The following TG variants were observed in gnomAD, a reference collection of about 807,000 sequenced individuals.
TG encodes thyroid hormones.
TG carries 270 observed loss-of-function variants against 324.7 expected under a neutral mutation model. That is an observed-to-expected ratio of 0.83 (90% CI 0.75 to 0.92). TG has a LOEUF of 0.92. TG is among the 40% of genes least tolerant of loss of function. TG has a pLI of 0.00. For missense variants in TG, 3,591 were observed against 3,456.4 expected (o/e 1.04, Z -0.98); for synonymous variants, 1,401 against 1,327.0 (o/e 1.06, Z -1.21).
intron 40 of TG, among the ~76,000 whole-genome samples, chr8:133,023,750 CA>C (rs1431557749): frequency 5.9e-5 from 9 of 152,328 alleles, no homozygotes; most frequent in Non-Finnish European, 1.2e-4. Flanking sequence ...CATTTCTAGA[CA>C]GAAGAGAGTT....
At chr8:133,110,243 G>A (rs533154683) in intron 43 of TG, among the ~76,000 whole-genome samples, 13 of 152,206 alleles carry the variant, frequency 8.5e-5, no homozygotes, top group Middle Eastern at 3.4e-3. Context: ...CTGAGGTGGG[G>A]GCATCATGGA....
At chr8:133,050,316 G>C in intron 41 of TG, 1 of 362,396 alleles carries the variant, frequency 2.8e-6, no homozygotes, top group Non-Finnish European at 5.2e-6. Context: ...ATGCTCTGCA[G>C]TATAGCCAAA....
chr8:132,988,618 A>G (rs550722651), intron 35 of TG: 381 of 748,766 alleles, frequency 5.1e-4, no homozygotes, highest in Non-Finnish European at 6.0e-4. Context: ...GTATAGTTGT[A>G]CTCTCTTTGG....
intron 45 of TG, 152 bp downstream of exon 45, chr8:133,116,868 CTTGCAGGCGGGGAAAGTTAAAA>C (rs1564208115): frequency 1.4e-6 from 1 of 706,676 alleles, no homozygotes; most frequent in Admixed American, 2.3e-5. Flanking sequence ...ATCTCACTGT[CTTGCAGGCGGGGAAAGTTAAAA>C]AAAAAAATGG....
intron 41 of TG, among the ~76,000 whole-genome samples, chr8:133,057,899 G>C (rs1446895309): frequency 1.3e-5 from 2 of 152,182 alleles, no homozygotes; most frequent in Admixed American, 1.3e-4. Flanking sequence ...TGTCCAGGCT[G>C]GCCTCTGGGT....
intron 41 of TG, among the ~76,000 whole-genome samples, chr8:133,057,595 C>G (rs1841680643): frequency 6.6e-6 from 1 of 152,122 alleles, no homozygotes; most frequent in African/African-American, 2.4e-5. Context: ...CCGAGTGACT[C>G]ACCTAAAGTC....
At chr8:132,933,511 C>T (rs1343188741) in intron 23 of TG, 50 bp from the exon 24 acceptor site, 1 of 1,531,714 alleles carries the variant, frequency 6.5e-7, no homozygotes, top group South Asian at 1.1e-5. Context: ...GCTCTGCCCT[C>T]AGCATCCCCC....
intron 8 of TG, among the ~76,000 whole-genome samples, chr8:132,884,247 C>A (rs1048763211): frequency 5.3e-5 from 8 of 152,156 alleles, no homozygotes; most frequent in African/African-American, 1.9e-4. Flanking sequence ...ACTATTCAAC[C>A]CAGTATGGGG....
intron 5 of TG, among the ~76,000 whole-genome samples, chr8:132,876,044 T>A (rs1813743048): frequency 6.6e-6 from 1 of 152,126 alleles, no homozygotes; most frequent in South Asian, 2.1e-4. Flanking sequence ...GTTTCAATAT[T>A]GCAGCAAGCA....
chr8:133,040,166 G>A (rs200640742), intron 41 of TG: 214 of 1,564,300 alleles, frequency 1.4e-4, no homozygotes, highest in Non-Finnish European at 1.8e-4. Context: ...CAGGGACCCT[G>A]GGGACGCCTC....
chr8:133,031,909 C>T (rs1257157930), intron 41 of TG, among the ~76,000 whole-genome samples: 1 of 152,130 alleles, frequency 6.6e-6, no homozygotes, highest in African/African-American at 2.4e-5. Flanking sequence ...TAGAACTGAG[C>T]CCTCTTTATA....
chr8:133,044,225 G>A (rs1046055565), intron 41 of TG, among the ~76,000 whole-genome samples: 7 of 152,114 alleles, frequency 4.6e-5, no homozygotes, highest in Non-Finnish European at 1.5e-5. Flanking sequence ...GTAGGGTAAA[G>A]TTCCGATTCC....
chr8:133,122,503 C>G (rs1851218827), intron 45 of TG, among the ~76,000 whole-genome samples: 1 of 152,180 alleles, frequency 6.6e-6, no homozygotes, highest in Admixed American at 6.5e-5. Context: ...AGCTTTCTTT[C>G]AATTGCTCCA....
intron 33 of TG, 132 bp from the exon 34 acceptor site, chr8:132,972,466 A>G: frequency 1.9e-6 from 2 of 1,045,708 alleles, no homozygotes; most frequent in African/African-American, 1.6e-5. Context: ...CTGAGATAGT[A>G]TCTGAAATAT....
chr8:133,039,724 A>G (rs1837798569), intron 41 of TG, among the ~76,000 whole-genome samples: 1 of 152,232 alleles, frequency 6.6e-6, no homozygotes, highest in South Asian at 2.1e-4. Flanking sequence ...GCTAGAATGT[A>G]TATTGCTAGC....
chr8:133,009,857 T>A (rs1834347909), intron 35 of TG, among the ~76,000 whole-genome samples: 1 of 151,148 alleles, frequency 6.6e-6, no homozygotes. Flanking sequence ...CTGTGAGAAA[T>A]AAATGTTTGT....
chr8:133,019,628 G>C lies in TG; in HGVS notation c.6809G>C (p.Arg2270Thr), dbSNP rs756875427. ...GCCAGCTGCTGGCAGCCAGGCACCAGAACATCCACGTCTCCTGGAGTCAGT... is the reference window on the plus strand; with the variant it reads ...GCCAGCTGCTGGCAGCCAGGCACCACAACATCCACGTCTCCTGGAGTCAGT... ...PRASCWQPGT[R>T]TSTSPGVSED... The change falls in exon 39 of 48, where the codon AGA (arginine) becomes ACA (threonine). Residue 2270 changes from arginine (R) to threonine (T), a missense_variant. Transcript: ENST00000220616. 11 of 1,613,824 alleles carry C rather than the reference G, an allele frequency of 6.8e-6. No individual in the cohort carries two copies. Among genetic ancestry groups the C allele is most frequent in the Middle Eastern group, 1.7e-4 (1 of 6,060 alleles).
In TG at chr8:133,017,686, T is replaced by C. The variant is rs766147250; in HGVS notation, c.6563-92T>C. On this transcript the variant is annotated intron_variant, in intron 37 of 47. Transcript: ENST00000220616. Reference sequence around the variant, plus strand: ...CAAGGTGCAAAAACCGTGATTTTTCTTTTGTTGAAAGCACATTCAGAATGC... The same window carrying C: ...CAAGGTGCAAAAACCGTGATTTTTCCTTTGTTGAAAGCACATTCAGAATGC... 4 of 1,268,222 alleles carry C rather than the reference T, an allele frequency of 3.2e-6. No homozygotes were observed. In the South Asian group the frequency reaches 3.6e-5, roughly 11 times the overall value. 78.6% of individuals were successfully genotyped at this position (1,268,222 alleles called of 1,614,324 possible).
intron 31 of TG, among the ~76,000 whole-genome samples, chr8:132,969,105 C>A (rs1050155656): frequency 5.3e-5 from 8 of 152,102 alleles, no homozygotes. Context: ...ACCCCCAGGG[C>A]TGCCATACTT....
Sources: gnomAD v4.1 joint callset for allele counts (sites outside exome capture counted in the v4.1 genomes callset) on GRCh38, gnomAD v4.1.1 for gene constraint, MANE v1.5 for transcripts, NCBI Gene and HGNC (gene_info 2026-07-23, HGNC 2026-07-21) for gene names.